BPIFC: variants seen among roughly 807,000 people sequenced by gnomAD.
BPIFC encodes the protein BPI fold containing family C, also known as BPI fold-containing family C protein.
Under a neutral mutation model 57.6 loss-of-function variants are expected in BPIFC, and 60 were observed. The ratio of observed to expected loss-of-function variants is 1.04; its 90% CI spans 0.85 to 1.29. The LOEUF (loss-of-function observed/expected upper bound fraction) is 1.29, where lower values mean the gene tolerates loss of function less well. Among genes scored for constraint, BPIFC ranks in the 50% most tolerant of loss-of-function variants. The probability of loss-of-function intolerance (pLI) is 0.00; values close to 1 mark genes in which losing one functional copy is unlikely to be tolerated. For synonymous variants in BPIFC, 243 were observed against 224.5 expected, an observed-to-expected ratio of 1.08 and a Z score of -0.74; for missense variants, 581 against 600.5, an observed-to-expected ratio of 0.97 and a Z score of 0.34.
intron 13 of BPIFC, among the ~76,000 whole-genome samples, chr22:32,426,084 T>C (rs769752511): frequency 7.2e-5 from 11 of 152,202 alleles, no homozygotes; most frequent in Non-Finnish European, 1.2e-4. Context: ...GGTTTGTCTC[T>C]GATTTCTGTA....
Position 32,431,331 on chromosome 22 carries a change from A to C in BPIFC, c.1217+16T>G. 2 of 1,605,270 alleles carry C rather than the reference A, an allele frequency of 1.2e-6. No individual in the cohort carries two copies. Among genetic ancestry groups the C allele is most frequent in the East Asian group, 4.5e-5 (2 of 44,836 alleles). ...TATTACTAAGGTGCCCCAACAGTCA[A>C]ATTGATTGATCTTACCTGTTCAGAG... On this transcript the variant is annotated intron_variant, in intron 13 of 16. Coordinates refer to ENST00000300399, the MANE Select transcript of BPIFC (RefSeq NM_174932.3).
intron 13 of BPIFC, among the ~76,000 whole-genome samples, chr22:32,422,691 G>C (rs1435911373): frequency 1.3e-5 from 2 of 151,990 alleles, no homozygotes; most frequent in Admixed American, 6.6e-5. Context: ...CTGGGCGACA[G>C]AGCAAGACTA....
chr22:32,420,586 T>G (rs1933819657), intron 13 of BPIFC, among the ~76,000 whole-genome samples: 1 of 152,260 alleles, frequency 6.6e-6, no homozygotes, highest in Non-Finnish European at 1.5e-5. Context: ...TTCTTAACTC[T>G]GTAGATTTAC....
intron 10 of BPIFC, among the ~76,000 whole-genome samples, chr22:32,434,469 C>G (rs1386102949): frequency 6.7e-6 from 1 of 148,590 alleles, no homozygotes; most frequent in Admixed American, 6.7e-5. Flanking sequence ...TCTATGTGTA[C>G]ATATTCTTCA....
At chr22:32,426,063 C>T (rs1365108189) in intron 13 of BPIFC, among the ~76,000 whole-genome samples, 1 of 152,166 alleles carries the variant, frequency 6.6e-6, no homozygotes, top group African/African-American at 2.4e-5. Flanking sequence ...CTGTCTAGAC[C>T]ACCAACACGG....
At chr22:32,449,379 T>C (rs1252896773) in intron 4 of BPIFC, among the ~76,000 whole-genome samples, 1 of 152,216 alleles carries the variant, frequency 6.6e-6, no homozygotes, top group Non-Finnish European at 1.5e-5. Context: ...TGAATGAAGA[T>C]GAAGAAAAAT....
chr22:32,457,500 A>ACATCCATCCAATCCATCCATT, intron 2 of BPIFC, 114 bp from the exon 3 acceptor site: 1 of 1,194,644 alleles, frequency 8.4e-7, no homozygotes, highest in Non-Finnish European at 1.2e-6. Flanking sequence ...AGAACTCAAT[A>ACATCCATCCAATCCATCCATT]CATCCATCCA....
rs142745446 is a variant in BPIFC at position 32,460,297 on chromosome 22, G to A, written c.-1+1277C>T. 4.6e-3 allele frequency among the ~76,000 whole-genome samples: 703 copies of A among 152,316 alleles called. 3 individuals are homozygous for A. The highest frequency in any genetic ancestry group is 5.5e-3 in the Non-Finnish European group (372 of 68,016). Reference sequence around the variant, plus strand: ...TTAGGAAAACCCCACACCAGTGTACGCAGCTGGGTGGGAGGTGGAAGGGCT... The same window carrying A: ...TTAGGAAAACCCCACACCAGTGTACACAGCTGGGTGGGAGGTGGAAGGGCT... On this transcript the variant is annotated intron_variant, in intron 2 of 16. Transcript: ENST00000300399.
At chr22:32,454,297 A>C (rs1042624923) in intron 3 of BPIFC, among the ~76,000 whole-genome samples, 4 of 152,178 alleles carry the variant, frequency 2.6e-5, no homozygotes, top group Admixed American at 1.3e-4. Context: ...GGCTGTAGGA[A>C]ACTCCTGAAC....
At chr22:32,424,098 C>T (rs1264442477) in intron 13 of BPIFC, among the ~76,000 whole-genome samples, 1 of 151,986 alleles carries the variant, frequency 6.6e-6, no homozygotes, top group Admixed American at 6.6e-5. Context: ...TATATGCTGA[C>T]TGTTGTGCTA....
chr22:32,430,811 T>A (rs1934218406), intron 13 of BPIFC, among the ~76,000 whole-genome samples: 1 of 151,900 alleles, frequency 6.6e-6, no homozygotes, highest in Non-Finnish European at 1.5e-5. Flanking sequence ...AGCTAATTTT[T>A]AAAAAAGCTT....
chr22:32,419,299 A>C (rs1398376116), intron 14 of BPIFC, 63 bp downstream of exon 14: 17 of 1,499,260 alleles, frequency 1.1e-5, no homozygotes, highest in Non-Finnish European at 1.4e-5. Context: ...ATTCGCTATT[A>C]TATATAGTAG....
At position 32,414,368 on chromosome 22, in the gene BPIFC, T is replaced by C. The variant is rs752549973; in HGVS notation, c.1459A>G (p.Ser487Gly). The change falls in exon 17 of 17, where the codon AGT becomes GGT. Residue 487 changes from serine to glycine, a missense_variant. Coordinates refer to ENST00000300399, the MANE Select transcript of BPIFC (RefSeq NM_174932.3). The stretch of plus-strand genomic sequence containing the variant: ...TTCAGACCTTCCCATACGTGGAAAC[T>C]TGGCTGCTGCTTTGAGGATGTTTCA... ...KYETSSKQQP[S>G]FHVWEGLNLI... The C allele has an allele frequency of 6.2e-7, 1 of 1,613,958 alleles. No homozygotes were observed. Among genetic ancestry groups the C allele is most frequent in the Non-Finnish European group, 8.5e-7 (1 of 1,179,966 alleles).
intron 8 of BPIFC, among the ~76,000 whole-genome samples, chr22:32,438,758 T>C (rs1034485783): frequency 2.6e-5 from 4 of 152,250 alleles, no homozygotes; most frequent in South Asian, 4.1e-4. Flanking sequence ...TTTAGAGATA[T>C]GTATTGGCTT....
At chr22:32,415,785 T>G (rs1933656097) in intron 16 of BPIFC, 130 bp downstream of exon 16, 1 of 583,134 alleles carries the variant, frequency 1.7e-6, no homozygotes, top group South Asian at 2.5e-5. Context: ...GTTTATAAGA[T>G]TCCCTGGTCT....
intron 15 of BPIFC, 106 bp downstream of exon 15, chr22:32,416,979 G>A (rs1933696751): frequency 1.9e-6 from 2 of 1,030,526 alleles, no homozygotes; most frequent in Middle Eastern, 2.0e-4. Flanking sequence ...CATGATAGAA[G>A]TACAAGCTTC....
intron 5 of BPIFC, 26 bp downstream of exon 5, chr22:32,447,186 T>C (rs781264403): frequency 1.3e-6 from 2 of 1,541,308 alleles, no homozygotes; most frequent in Non-Finnish European, 8.8e-7. Flanking sequence ...CCAGAACAGC[T>C]GCAGACATTT....
intron 7 of BPIFC, among the ~76,000 whole-genome samples, chr22:32,444,180 C>A (rs1302957428): frequency 6.6e-6 from 1 of 152,158 alleles, no homozygotes; most frequent in East Asian, 1.9e-4. Context: ...AAGGACCGTG[C>A]CTCGTTTCAA....
chr22:32,426,105 A>G (rs1051727109), intron 13 of BPIFC, among the ~76,000 whole-genome samples: 1 of 152,166 alleles, frequency 6.6e-6, no homozygotes, highest in Non-Finnish European at 1.5e-5. Context: ...TTTGCTGTCT[A>G]TGCAGCCAGC....
Sources: gnomAD v4.1 joint callset for allele counts (sites outside exome capture counted in the v4.1 genomes callset) on GRCh38, gnomAD v4.1.1 for gene constraint, MANE v1.5 for transcripts, NCBI Gene and HGNC (gene_info 2026-07-23, HGNC 2026-07-21) for gene names.